Variants in VSIG10L observed in about 807,000 individuals in gnomAD.
The protein encoded by VSIG10L is V-set and immunoglobulin domain containing 10 like.
VSIG10L carries 63 observed loss-of-function variants against 67.3 expected under a neutral mutation model. The observed-to-expected ratio is 0.94, with a 90% CI of 0.76 to 1.15. The LOEUF (loss-of-function observed/expected upper bound fraction) is 1.15, where lower values mean the gene tolerates loss of function less well. Ranked by LOEUF, VSIG10L falls within the 50% of genes most tolerant of loss-of-function variation. The probability of loss-of-function intolerance (pLI) is 0.00; values close to 1 mark genes in which losing one functional copy is unlikely to be tolerated. For synonymous variants in VSIG10L, 499 were observed against 524.9 expected, an observed-to-expected ratio of 0.95 and a Z score of 0.67; for missense variants, 1,050 against 1,177.5, an observed-to-expected ratio of 0.89 and a Z score of 1.58.
chr19:51,334,056 G>C, intron 8 of VSIG10L, 111 bp from the exon 9 acceptor site: 1 of 1,498,776 alleles, frequency 6.7e-7, no homozygotes, highest in Non-Finnish European at 9.1e-7. Context: ...ATGCTGATTG[G>C]CTGATTTGGA....
chr19:51,334,340 A>T (rs775989642), intron 7 of VSIG10L, 36 bp from the exon 8 acceptor site: 5 of 1,539,210 alleles, frequency 3.2e-6, no homozygotes, highest in Middle Eastern at 1.7e-4. Context: ...GAAGGGGAAC[A>T]GGAACCAAGG....
intron 8 of VSIG10L, 32 bp downstream of exon 8, chr19:51,334,159 A>T: frequency 6.5e-7 from 1 of 1,549,490 alleles, no homozygotes; most frequent in Admixed American, 2.0e-5. Context: ...CCCGTTGGTC[A>T]TGGTTGCCCC....
At chr19:51,336,685 C>T (rs117728639) in intron 7 of VSIG10L, among the ~76,000 whole-genome samples, 6 of 151,990 alleles carry the variant, frequency 3.9e-5, no homozygotes, top group African/African-American at 7.2e-5. Flanking sequence ...ATGAAACAGC[C>T]GCCACCAGGA....
Position 51,341,907 on chromosome 19 carries a change from C to A in VSIG10L, c.141G>T (p.Gly47=). Residue 47 remains glycine, a synonymous_variant, in exon 2 of 10, where the codon GGG becomes GGT. Coordinates refer to ENST00000335624, the MANE Select transcript of VSIG10L (RefSeq NM_001163922.3). The stretch of plus-strand genomic sequence containing the variant: ...TGATGGAGGGAACTTCCACACCCAG[C>A]CCCTGGGAAGAGCTCTTTGAGTCTG... ...FSSDSKSSSQ[G]LGVEVPSIKP... is the part of the protein sequence containing the mutation. The A allele has an allele frequency of 6.4e-7, 1 of 1,551,672 alleles. No homozygotes were observed. The highest frequency in any genetic ancestry group is 8.7e-7 in the Non-Finnish European group (1 of 1,146,998).
chr19:51,336,763 A>ATTTTTT (rs942291893), intron 7 of VSIG10L, among the ~76,000 whole-genome samples: 8 of 97,064 alleles, frequency 8.2e-5, no homozygotes, highest in Admixed American at 1.2e-4. Context: ...CGACACCTTG[A>ATTTTTT]TTTTTTTTTT....
At chr19:51,338,551 C>A (rs1985545312) in intron 5 of VSIG10L, among the ~76,000 whole-genome samples, 1 of 152,096 alleles carries the variant, frequency 6.6e-6, no homozygotes. Context: ...TGGTCTTGAA[C>A]TCCTAGACTC....
chr19:51,334,097 G>A lies in VSIG10L; in HGVS notation c.2419+94C>T, dbSNP rs143486868. ...GAGGGCAGGATGGATGACCTATGAC[G>A]GCACTGATTGCCTCAGCCAGGTCTT... On this transcript the variant is annotated intron_variant, in intron 8 of 9. Transcript: ENST00000335624. The A allele has an allele frequency of 3.8e-3, 5,596 of 1,462,080 alleles. 25 individuals are homozygous for A. Among genetic ancestry groups the A allele is most frequent in the African/African-American group, 0.014 (989 of 70,758 alleles). The allele number at this position is 1,462,080 out of a possible 1,614,324, so 90.6% of individuals were successfully genotyped here. A position where few individuals can be genotyped will look rare whatever the true frequency, so the allele number is the denominator to read the frequency against.
At position 51,332,519 on chromosome 19, in the gene VSIG10L, T is replaced by C. The variant is rs1193237498; in HGVS notation, c.*92A>G. The C allele has an allele frequency of 6.9e-7, 1 of 1,442,596 alleles. No homozygotes were observed. The allele number at this position is 1,442,596 out of a possible 1,614,324, so 89.4% of individuals were successfully genotyped here. A position where few individuals can be genotyped will look rare whatever the true frequency, so the allele number is the denominator to read the frequency against. ...GGCCCTGGCTGCTGCTGGAGTGAAA[T>C]AGGAAGTTCTGGCCCAAAACGCCCT... On this transcript the variant is annotated 3_prime_UTR_variant, in exon 10 of 10. Coordinates refer to ENST00000335624, the MANE Select transcript of VSIG10L (RefSeq NM_001163922.3).
Position 51,337,243 on chromosome 19 carries a change from C to A in VSIG10L, c.2300G>T (p.Arg767Leu). 1 of 1,546,342 alleles carries A rather than the reference C, an allele frequency of 6.5e-7. No homozygotes were observed. The highest frequency in any genetic ancestry group is 8.7e-7 in the Non-Finnish European group (1 of 1,143,838). ...CTCTGACAGCCCCAACTCACCGGCC[C>A]GGTAGACCCGGCTTTGTGATGGAGT... is the stretch of plus-strand genomic sequence containing the variant. The part of the protein sequence containing the change: ...PGTPSQSRVY[R>L]AGPTLSHGAI... Residue 767 changes from arginine (R) to leucine (L), a missense_variant, in exon 7 of 10, where the codon CGG becomes CTG. By Grantham distance (102) the Arg-to-Leu change is moderately radical (BLOSUM62 -2). Coordinates refer to ENST00000335624, the MANE Select transcript of VSIG10L (RefSeq NM_001163922.3).
intron 7 of VSIG10L, among the ~76,000 whole-genome samples, chr19:51,336,422 C>T (rs914299754): frequency 3.3e-5 from 5 of 151,932 alleles, no homozygotes; most frequent in African/African-American, 1.2e-4. Flanking sequence ...GGTGTGGTGG[C>T]GCATGACTGT....
Position 51,341,809 on chromosome 19 carries a change from CAGCTGGAATCAGAGATTCCAGCA to C in VSIG10L, c.216_238del (p.Ala73ValfsTer3). 6.4e-7 allele frequency: 1 copy of C among 1,551,346 alleles called. No homozygotes were observed. The highest frequency in any genetic ancestry group is 8.7e-7 in the Non-Finnish European group (1 of 1,146,912). On this transcript the variant is annotated frameshift_variant, in exon 2 of 10. Coordinates refer to ENST00000335624, the MANE Select transcript of VSIG10L (RefSeq NM_001163922.3). LOFTEE classifies it high-confidence loss of function. ...GTTGGAACTCAGGGCCTCAGGAAACCAGCTGGAATCAGAGATTCCAGCAGAGGCTTTTGAATCCAGGAACTGAT... is the reference window on the plus strand; with the variant it reads ...GTTGGAACTCAGGGCCTCAGGAAACCGAGGCTTTTGAATCCAGGAACTGAT...
At chr19:51,332,997 G>A (rs1279224285) in intron 9 of VSIG10L, among the ~76,000 whole-genome samples, 1 of 152,026 alleles carries the variant, frequency 6.6e-6, no homozygotes, top group Non-Finnish European at 1.5e-5. Context: ...CTACAGGTAC[G>A]TGCCACCATG....
At chr19:51,336,145 C>T (rs1445126696) in intron 7 of VSIG10L, among the ~76,000 whole-genome samples, 2 of 152,154 alleles carry the variant, frequency 1.3e-5, no homozygotes, top group Non-Finnish European at 2.9e-5. Flanking sequence ...ATGTTGAAGT[C>T]CTAACCCCTG....
At position 51,340,098 on chromosome 19, in the gene VSIG10L, C is replaced by G. The variant is rs1985589180; in HGVS notation, c.1391G>C (p.Gly464Ala). The G allele has an allele frequency of 1.5e-6, 2 of 1,339,910 alleles. No individual in the cohort carries two copies. 83.0% of individuals were successfully genotyped at this position (1,339,910 alleles called of 1,614,324 possible). ...SRLLLPAVGPGHAGTYACLAA... is the reference protein window; with the variant it reads ...SRLLLPAVGPAHAGTYACLAA... The stretch of plus-strand genomic sequence containing the variant: ...CAGGCAGGCGTAGGTGCCTGCGTGG[C>G]CCGGTCCGACCGCGGGCAGCAGGAG... Residue 464 changes from glycine to alanine, a missense_variant, in exon 4 of 10, where the codon GGC (glycine) becomes GCC (alanine). This residue lies in a region of VSIG10L where 529 missense variants were observed against 584.9 expected (regional missense o/e 0.90). Transcript: ENST00000335624. This position sits in a 1 kb window ranked among gnomAD's most constrained non-coding sequence, Gnocchi z 6.3.
Position 51,334,224 on chromosome 19 carries a change from G to C in VSIG10L, c.2386C>G (p.Leu796Val). Residue 796 changes from leucine to valine, a missense_variant, in exon 8 of 10, where the codon CTC becomes GTC. Leu to Val is a conservative substitution (Grantham distance 32). Transcript: ENST00000335624. ...CGGCACAGGCAGCAGATGCAAAGGAGGAGAAGTACGGCTAGCAGCGCCAGG... is the reference window on the plus strand; with the variant it reads ...CGGCACAGGCAGCAGATGCAAAGGACGAGAAGTACGGCTAGCAGCGCCAGG... ...LGLALLAVLL[L>V]LCICCLCRFR... The C allele has an allele frequency of 1.3e-6, 2 of 1,551,832 alleles. No homozygotes were observed. Among genetic ancestry groups the C allele is most frequent in the Non-Finnish European group, 1.7e-6 (2 of 1,147,016 alleles).
In VSIG10L at chr19:51,340,337, T is replaced by G; in HGVS notation, c.1190-38A>C. Reference sequence around the variant, plus strand: ...GGGGTCGGGACCGCGAGTGTCAGGGTCACCTGGGACGCCGCTAGGACTCCC... The same window carrying G: ...GGGGTCGGGACCGCGAGTGTCAGGGGCACCTGGGACGCCGCTAGGACTCCC... On this transcript the variant is annotated intron_variant, in intron 3 of 9. Coordinates refer to ENST00000335624, the MANE Select transcript of VSIG10L (RefSeq NM_001163922.3). The surrounding 1 kb of genome is among the most constrained non-coding windows in gnomAD (Gnocchi z 6.3). 1 of 1,475,858 alleles carries G rather than the reference T, an allele frequency of 6.8e-7. No homozygotes were observed. Among genetic ancestry groups the G allele is most frequent in the Non-Finnish European group, 9.0e-7 (1 of 1,115,024 alleles). The allele number at this position is 1,475,858 out of a possible 1,614,324, so 91.4% of individuals were successfully genotyped here. A position where few individuals can be genotyped will look rare whatever the true frequency, so the allele number is the denominator to read the frequency against.
At chr19:51,339,971 GC>G in intron 4 of VSIG10L, 43 bp downstream of exon 4, 1 of 1,007,706 alleles carries the variant, frequency 9.9e-7, no homozygotes. Context: ...TTCTGGCCCC[GC>G]CCCTCTCCCA....
rs1258378773 is a variant in VSIG10L at position 51,341,584 on chromosome 19, G to A, written c.464C>T (p.Ser155Phe). The A allele has an allele frequency of 6.4e-7, 1 of 1,551,750 alleles. No homozygotes were observed. Among genetic ancestry groups the A allele is most frequent in the Admixed American group, 2.0e-5 (1 of 51,012 alleles). Reference sequence around the variant, plus strand: ...GAATTTTGAATCTGGGGCCTCAACAGACAGTTTGGTATGGGAGACTTGAGT... The same window carrying A: ...GAATTTTGAATCTGGGGCCTCAACAAACAGTTTGGTATGGGAGACTTGAGT... The part of the protein sequence containing the change: ...ISTQVSHTKL[S>F]VEAPDSKFSP... The change falls in exon 2 of 10, where the codon TCT becomes TTT. Residue 155 changes from serine (S) to phenylalanine (F), a missense_variant. Ser to Phe is a radical substitution (Grantham distance 155, BLOSUM62 -2). Around this residue, in one of 3 missense-constraint regions of VSIG10L, gnomAD observed 511 missense variants for 557.9 expected, o/e 0.92. Coordinates refer to ENST00000335624, the MANE Select transcript of VSIG10L (RefSeq NM_001163922.3).
rs1263029528 is a variant in VSIG10L, at chr19:51,339,129, C to G, written c.1488G>C (p.Gly496=). 1 of 1,308,100 alleles carries G rather than the reference C, an allele frequency of 7.6e-7. No individual in the cohort carries two copies. Among genetic ancestry groups the G allele is most frequent in the African/African-American group, 1.5e-5 (1 of 64,682 alleles). 81.0% of individuals were successfully genotyped at this position (1,308,100 alleles called of 1,614,324 possible). ...LNLTVADLPP[G]APQCSVEGGP... Reference sequence around the variant, plus strand: ...CCCCTTCAACTGAGCACTGTGGGGCCCCGGGGGGCAGGTCTGCGGAGAGAA... The same window carrying G: ...CCCCTTCAACTGAGCACTGTGGGGCGCCGGGGGGCAGGTCTGCGGAGAGAA... The change falls in exon 5 of 10, where the codon GGG becomes GGC. Residue 496 remains glycine, a synonymous_variant. Coordinates refer to ENST00000335624, the MANE Select transcript of VSIG10L (RefSeq NM_001163922.3).
Sources: allele counts gnomAD v4.1 joint callset (sites outside exome capture counted in the v4.1 genomes callset), GRCh38; gene constraint gnomAD v4.1.1; regional missense constraint gnomAD v4.1.1; non-coding constraint Gnocchi (gnomAD v3.1); transcripts MANE v1.5; gene names NCBI Gene and HGNC (gene_info 2026-07-23, HGNC 2026-07-21).